Variants in AP2A2 observed in about 807,000 individuals in gnomAD.
The protein encoded by AP2A2 is adaptor related protein complex 2 subunit alpha 2.
AP2A2 carries 32 observed loss-of-function variants against 104.2 expected under a neutral mutation model. The observed-to-expected ratio is 0.31, with a 90% CI of 0.23 to 0.41. The LOEUF (loss-of-function observed/expected upper bound fraction) is 0.41, where lower values mean the gene tolerates loss of function less well. Among genes scored for constraint, AP2A2 ranks in the 10% least tolerant of loss-of-function variants. The pLI, the probability that AP2A2 is intolerant of heterozygous loss-of-function variation, is 1.00. For missense variants in AP2A2, 912 were observed against 1,261.0 expected, an observed-to-expected ratio of 0.72 and a Z score of 4.19; for synonymous variants, 539 against 533.3, an observed-to-expected ratio of 1.01 and a Z score of -0.15.
rs1037596636 is a variant in AP2A2 at position 963,718 on chromosome 11, G to A, written c.136+4213G>A. Among the ~76,000 whole-genome samples, 12 of 152,308 alleles carry A rather than the reference G, an allele frequency of 7.9e-5. No individual in the cohort carries two copies. In the East Asian group the frequency reaches 9.7e-4, roughly 12 times the overall value. On this transcript the variant is annotated intron_variant, in intron 2 of 21. Transcript: ENST00000448903. The stretch of plus-strand genomic sequence containing the variant: ...GCTCACCGCAGCCTCAACCCCCCGG[G>A]CTCAAGCCATCCTTCCACCTTGGCC...
chr11:991,315 T>C (rs116840194), intron 10 of AP2A2, among the ~76,000 whole-genome samples: 4,546 of 152,246 alleles, frequency 0.03, 227 homozygotes, highest in African/African-American at 0.1. Context: ...AGCAGGACCG[T>C]GGGTTGCTGT....
At chr11:1,009,489 A>AG (rs919050588) in intron 20 of AP2A2, 92 bp downstream of exon 20, 4 of 1,266,638 alleles carry the variant, frequency 3.2e-6, no homozygotes, top group African/African-American at 3.3e-5. Context: ...CACGCAGCCC[A>AG]TGACCCCGCG....
intron 8 of AP2A2, 116 bp downstream of exon 8, chr11:985,698 G>C (rs959229738): frequency 2.1e-6 from 3 of 1,424,444 alleles, no homozygotes; most frequent in Non-Finnish European, 2.9e-6. Context: ...CCTCCCCTTC[G>C]TCCTGCCTCT....
chr11:935,900 CTT>C (rs745486621), intron 1 of AP2A2, among the ~76,000 whole-genome samples: 22 of 119,400 alleles, frequency 1.8e-4, no homozygotes, highest in East Asian at 2.6e-4. Flanking sequence ...CGGCCTATTC[CTT>C]TTTTTTTTTT....
At position 993,358 on chromosome 11, in the gene AP2A2, G is replaced by C. The variant is rs1450664511; in HGVS notation, c.1527G>C (p.Leu509Phe). ...ACATCCTGGGGGAGTTTGGAAACTT[G>C]ATAGCTGGAGACCCGAGATCCAGGT... ...GGYILGEFGNLIAGDPRSSPL... is the reference protein window; with the variant it reads ...GGYILGEFGNFIAGDPRSSPL... Residue 509 changes from leucine to phenylalanine, a missense_variant, in exon 12 of 22, where the codon TTG becomes TTC. This residue lies in a region of AP2A2 where 137 missense variants were observed against 186.9 expected (regional missense o/e 0.73). Transcript: ENST00000448903. This position sits in a 1 kb window ranked among gnomAD's most constrained non-coding sequence, Gnocchi z 8.2. 3.7e-6 allele frequency: 6 copies of C among 1,612,086 alleles called. No individual in the cohort carries two copies. Among genetic ancestry groups the C allele is most frequent in the Non-Finnish European group, 5.1e-6 (6 of 1,179,386 alleles).
Position 1,011,062 on chromosome 11 carries a change from G to A in AP2A2, c.*437G>A. On this transcript the variant is annotated 3_prime_UTR_variant, in exon 22 of 22. Transcript: ENST00000448903. ...TTGGTGTGTGGCCGTCCTGGTGGCT[G>A]CACACCTGGCGTCGTCCTGGGCCCT... The A allele has an allele frequency of 3.2e-6, 2 of 627,222 alleles. No individual in the cohort carries two copies. The highest frequency in any genetic ancestry group is 6.0e-6 in the Non-Finnish European group (2 of 331,480). The allele number at this position is 627,222 out of a possible 1,614,324, so 38.9% of individuals were successfully genotyped here.
intron 2 of AP2A2, among the ~76,000 whole-genome samples, chr11:969,268 T>C (rs1431653633): frequency 7.4e-6 from 1 of 134,246 alleles, no homozygotes; most frequent in Admixed American, 9.2e-5. Context: ...TTTGCTCTTG[T>C]TGCCCAGGCT....
At chr11:985,412 C>T in intron 7 of AP2A2, 23 bp from the exon 8 acceptor site, 6 of 1,608,900 alleles carry the variant, frequency 3.7e-6, no homozygotes, top group Non-Finnish European at 5.1e-6. Context: ...GACTGGTGAG[C>T]ACCGTTCTGT....
intron 3 of AP2A2, among the ~76,000 whole-genome samples, chr11:971,847 G>T (rs1238020461): frequency 1.3e-5 from 2 of 152,172 alleles, no homozygotes; most frequent in African/African-American, 2.4e-5. Context: ...GGAACGCTGC[G>T]CCATGAGAGC....
At chr11:974,304 G>T (rs1003264404) in intron 4 of AP2A2, among the ~76,000 whole-genome samples, 1 of 152,234 alleles carries the variant, frequency 6.6e-6, no homozygotes, top group African/African-American at 2.4e-5. Flanking sequence ...TCCTACCTCA[G>T]AGAGCTCAGG....
At chr11:940,670 G>C (rs1345422484) in intron 1 of AP2A2, 1 of 370,856 alleles carries the variant, frequency 2.7e-6, no homozygotes, top group Non-Finnish European at 5.3e-6. Flanking sequence ...TTGTCTCATT[G>C]CTTTGAATGC....
intron 18 of AP2A2, 153 bp from the exon 19 acceptor site, chr11:1,008,947 A>G: frequency 3.2e-6 from 2 of 633,376 alleles, no homozygotes; most frequent in South Asian, 3.8e-5. Flanking sequence ...ACTGAGCCAC[A>G]CACGATCCGT....
chr11:986,649 C>G, intron 8 of AP2A2, 136 bp from the exon 9 acceptor site: 4 of 1,113,956 alleles, frequency 3.6e-6, no homozygotes, highest in East Asian at 2.6e-5. Flanking sequence ...CGAGTTCCCA[C>G]TTGAGCAGTG....
intron 10 of AP2A2, chr11:988,900 C>T (rs767055556): frequency 3.3e-5 from 21 of 629,324 alleles, no homozygotes; most frequent in East Asian, 5.8e-5. Flanking sequence ...GAGGTGGAGG[C>T]GGGAGGATCA....
intron 2 of AP2A2, 128 bp from the exon 3 acceptor site, chr11:970,040 TG>T: frequency 1.0e-6 from 1 of 955,820 alleles, no homozygotes; most frequent in Non-Finnish European, 1.6e-6. Context: ...TGCACCTGCC[TG>T]GGCCCGGCCA....
Position 970,207 on chromosome 11 carries a change from G to A in AP2A2, c.175G>A (p.Val59Ile), listed in dbSNP as rs768893974. ...TGATGGCTATAGTAAAAAAAAGTAC[G>A]TCTGCAAGTTGCTCTTCATCTTTCT... ...ALDGYSKKKY[V>I]CKLLFIFLLG... Residue 59 changes from valine (V) to isoleucine (I), a missense_variant, in exon 3 of 22, where the codon GTC becomes ATC. Transcript: ENST00000448903. 17 of 1,613,824 alleles carry A rather than the reference G, an allele frequency of 1.1e-5. No homozygotes were observed. The highest frequency in any genetic ancestry group is 1.7e-5 in the Admixed American group (1 of 59,986).
chr11:988,522 C>G, intron 9 of AP2A2, 30 bp from the exon 10 acceptor site: 1 of 1,600,854 alleles, frequency 6.2e-7, no homozygotes, highest in Non-Finnish European at 8.5e-7. Flanking sequence ...CTTGCTCCTG[C>G]GACCTCTTAC....
Position 1,010,849 on chromosome 11 carries a change from G to A in AP2A2, c.*224G>A, listed in dbSNP as rs1856403348. ...ACTGTGGCAGCCACGGCAGAAGGTG[G>A]ATCTTGGGATCAATTTTTATAAAAA... On this transcript the variant is annotated 3_prime_UTR_variant, in exon 22 of 22. Transcript: ENST00000448903. 7.9e-6 allele frequency: 5 copies of A among 634,630 alleles called. No individual in the cohort carries two copies. Among genetic ancestry groups the A allele is most frequent in the Non-Finnish European group, 1.4e-5 (5 of 354,080 alleles). The allele number at this position is 634,630 out of a possible 1,614,324, so 39.3% of individuals were successfully genotyped here. A position where few individuals can be genotyped will look rare whatever the true frequency, so the allele number is the denominator to read the frequency against.
chr11:962,902 G>A (rs1854489938), intron 2 of AP2A2, among the ~76,000 whole-genome samples: 2 of 152,078 alleles, frequency 1.3e-5, no homozygotes, highest in African/African-American at 2.4e-5. Context: ...AGACATAGAA[G>A]AAAATCTACT....
Sources: gnomAD v4.1 joint callset for allele counts (sites outside exome capture counted in the v4.1 genomes callset) on GRCh38, gnomAD v4.1.1 for gene constraint, gnomAD v4.1.1 regional missense constraint, Gnocchi (gnomAD v3.1) non-coding constraint, MANE v1.5 for transcripts, NCBI Gene and HGNC (gene_info 2026-07-23, HGNC 2026-07-21) for gene names.